NAV1: variants seen among roughly 807,000 people sequenced by gnomAD.
The protein encoded by NAV1 is pore membrane and/or filament interacting like protein 3.
Under a neutral mutation model 175.2 loss-of-function variants are expected in NAV1, and 18 were observed. The ratio of observed to expected loss-of-function variants is 0.10; its 90% CI spans 0.07 to 0.15. NAV1 has a LOEUF of 0.15. Among genes scored for constraint, NAV1 ranks in the 10% least tolerant of loss-of-function variants. The pLI, the probability that NAV1 is intolerant of heterozygous loss-of-function variation, is 1.00. For missense variants in NAV1, 1,731 were observed against 2,436.6 expected, an observed-to-expected ratio of 0.71 and a Z score of 6.10; for synonymous variants, 897 against 978.7, an observed-to-expected ratio of 0.92 and a Z score of 1.56.
intron 3 of NAV1, 82 bp from the exon 8 acceptor site, chr1:201,780,339 C>A: frequency 6.5e-7 from 1 of 1,545,722 alleles, no homozygotes; most frequent in Non-Finnish European, 8.9e-7. Flanking sequence ...GGTGCAGAGC[C>A]ATTCTTGCAT....
In NAV1 at chr1:201,807,705, ACT is replaced by A. The variant is rs2102804946; in HGVS notation, c.3649-245_3649-244del. ...TTTCTTTCTTTTGAGATGGAGTCTC[ACT>A]CTGTTGCCAGGCTGGAGTGCAGTGG... is the stretch of plus-strand genomic sequence containing the variant. On this transcript the variant is annotated intron_variant, in intron 17 of 29. Coordinates refer to ENST00000367296, the Ensembl canonical transcript of NAV1. This position sits in a 1 kb window ranked among gnomAD's most constrained non-coding sequence, Gnocchi z 5.4. Among the ~76,000 whole-genome samples the A allele has an allele frequency of 6.6e-6, 1 of 151,934 alleles. No homozygotes were observed. The highest frequency in any genetic ancestry group is 2.1e-4 in the South Asian group (1 of 4,812).
intron 1 of NAV1, among the ~76,000 whole-genome samples, chr1:201,575,171 G>A (rs941313357): frequency 6.6e-6 from 1 of 152,212 alleles, no homozygotes; most frequent in Non-Finnish European, 1.5e-5. Context: ...GACTCTCAGT[G>A]CTTCCCTTTT....
intron 2 of NAV1, among the ~76,000 whole-genome samples, 198 bp downstream of exon 2, chr1:201,588,847 G>T (rs1667110075): frequency 1.3e-5 from 2 of 151,666 alleles, no homozygotes; most frequent in Non-Finnish European, 2.9e-5. Flanking sequence ...TAAAAGATTG[G>T]ATTTTTTTTT....
intron 1 of NAV1, among the ~76,000 whole-genome samples, chr1:201,692,660 G>A (rs147467567): frequency 2.7e-4 from 41 of 152,360 alleles, no homozygotes; most frequent in African/African-American, 9.4e-4. Flanking sequence ...GCTCACATAT[G>A]TGACAAGTCA....
At chr1:201,692,049 C>G (rs1051230512) in intron 1 of NAV1, among the ~76,000 whole-genome samples, 1 of 152,148 alleles carries the variant, frequency 6.6e-6, no homozygotes, top group African/African-American at 2.4e-5. Flanking sequence ...TTCCCTTTAC[C>G]CTGCCCCATT....
chr1:201,745,139 T>C (rs1673688684), intron 3 of NAV1, among the ~76,000 whole-genome samples: 1 of 152,212 alleles, frequency 6.6e-6, no homozygotes. Flanking sequence ...AGGAATTTCC[T>C]AGAAATGCTC....
At chr1:201,637,479 T>C (rs777692561) in intron 2 of NAV1, among the ~76,000 whole-genome samples, 1 of 152,208 alleles carries the variant, frequency 6.6e-6, no homozygotes, top group Non-Finnish European at 1.5e-5. Flanking sequence ...CATCACTGTG[T>C]TGACAAGGTC....
At chr1:201,814,072 A>G (rs1678868123) in intron 28 of NAV1, among the ~76,000 whole-genome samples, 1 of 151,300 alleles carries the variant, frequency 6.6e-6, no homozygotes, top group Non-Finnish European at 1.5e-5. Flanking sequence ...ACAAAAACAA[A>G]CAAACAAACA....
intron 1 of NAV1, among the ~76,000 whole-genome samples, chr1:201,557,191 G>T (rs544748447): frequency 6.6e-6 from 1 of 152,350 alleles, no homozygotes; most frequent in Non-Finnish European, 1.5e-5. Context: ...CATTCAGCCA[G>T]ATTGGATTGC....
intron 1 of NAV1, among the ~76,000 whole-genome samples, chr1:201,560,473 T>TTGGC (rs947870579): frequency 6.6e-6 from 1 of 152,190 alleles, no homozygotes; most frequent in African/African-American, 2.4e-5. Flanking sequence ...TGGTCTAGCC[T>TTGGC]TGGCCATCCT....
chr1:201,785,219 C>A, intron 7 of NAV1, 91 bp from the exon 12 acceptor site: 1 of 1,394,388 alleles, frequency 7.2e-7, no homozygotes, highest in Non-Finnish European at 9.9e-7. Context: ...GGTCTGCATA[C>A]CTCACACCAA....
rs182851843 is a variant in NAV1 at position 201,661,003 on chromosome 1, G to A, written c.757+11578G>A. On this transcript the variant is annotated intron_variant, in intron 1 of 29. Coordinates refer to ENST00000367296, the Ensembl canonical transcript of NAV1. ...ATTGGTGCATGCTTGTTGACTTGTTGACACTGTTATATAAGATTTAGGTAT... is the reference window on the plus strand; with the variant it reads ...ATTGGTGCATGCTTGTTGACTTGTTAACACTGTTATATAAGATTTAGGTAT... Among the ~76,000 whole-genome samples, 57 of 152,318 alleles carry A rather than the reference G, an allele frequency of 3.7e-4. 1 individual carries two copies. Among genetic ancestry groups the A allele is most frequent in the Middle Eastern group, 6.8e-3 (2 of 294 alleles).
chr1:201,540,405 G>A (rs951983197), intron 1 of NAV1, among the ~76,000 whole-genome samples: 15 of 152,184 alleles, frequency 9.9e-5, no homozygotes, highest in African/African-American at 3.6e-4. Context: ...CTGTGGGCAC[G>A]TTCGTTCACT....
intron 1 of NAV1, among the ~76,000 whole-genome samples, chr1:201,584,904 T>C (rs1244675011): frequency 6.6e-6 from 1 of 152,142 alleles, no homozygotes. Flanking sequence ...AGTCCTGGCA[T>C]CCCACGGGAG....
intron 1 of NAV1, among the ~76,000 whole-genome samples, chr1:201,552,922 T>A (rs998420802): frequency 2.0e-5 from 3 of 152,104 alleles, no homozygotes; most frequent in African/African-American, 7.2e-5. Flanking sequence ...GGAAGGGTTA[T>A]CTGTGGTGCT....
At chr1:201,728,681 A>C (rs1672720687) in intron 3 of NAV1, among the ~76,000 whole-genome samples, 1 of 151,920 alleles carries the variant, frequency 6.6e-6, no homozygotes, top group Non-Finnish European at 1.5e-5. Flanking sequence ...GGCTGGTCTC[A>C]AACTCCTGGG....
At chr1:201,577,072 C>G (rs1440536560) in intron 1 of NAV1, among the ~76,000 whole-genome samples, 1 of 152,178 alleles carries the variant, frequency 6.6e-6, no homozygotes, top group Non-Finnish European at 1.5e-5. Flanking sequence ...CTCACAACCT[C>G]AACCTCCTGG....
At chr1:201,789,940 C>T in intron 11 of NAV1, 148 bp downstream of exon 15, 1 of 741,788 alleles carries the variant, frequency 1.3e-6, no homozygotes, top group South Asian at 1.7e-5. Flanking sequence ...ATGGGGGAGG[C>T]ACCTAGAGCT....
chr1:201,673,225 A>G (rs1420846935), intron 1 of NAV1: 1 of 152,242 alleles, frequency 6.6e-6, no homozygotes, highest in East Asian at 1.9e-4. Context: ...TTTGAGTCCA[A>G]CACTTCCGGC....
Sources: gnomAD v4.1 joint callset for allele counts (sites outside exome capture counted in the v4.1 genomes callset) on GRCh38, gnomAD v4.1.1 for gene constraint, Gnocchi (gnomAD v3.1) non-coding constraint, MANE v1.5 for transcripts, NCBI Gene and HGNC (gene_info 2026-07-23, HGNC 2026-07-21) for gene names.